PDE5A: variants seen among roughly 807,000 people sequenced by gnomAD.
PDE5A encodes cGMP-specific 3',5'-cyclic phosphodiesterase.
In PDE5A, 67 loss-of-function variants were observed where a neutral mutation model predicts 110.2. That is an observed-to-expected ratio of 0.61 (90% CI 0.50 to 0.75). The LOEUF (loss-of-function observed/expected upper bound fraction) is 0.75. Among genes scored for constraint, PDE5A ranks in the 30% least tolerant of loss-of-function variants. The pLI, the probability that PDE5A is intolerant of heterozygous loss-of-function variation, is 0.00. For missense variants in PDE5A, 862 were observed against 1,045.1 expected (o/e 0.82, Z 2.42); for synonymous variants, 328 against 351.2 (o/e 0.93, Z 0.74).
chr4:119,512,101 T>G (rs1725762674), intron 14 of PDE5A, among the ~76,000 whole-genome samples: 1 of 152,146 alleles, frequency 6.6e-6, no homozygotes, highest in Non-Finnish European at 1.5e-5. Context: ...AACGATTATT[T>G]TACTTTGCAT....
chr4:119,606,883 A>G lies in PDE5A; in HGVS notation c.567T>C (p.Leu189=). Reference sequence around the variant, plus strand: ...TGTCATTGGAGCTGTCTTCACAGACAAGGAACAGGGAATAGCGGTCAGCAG... The same window carrying G: ...TGTCATTGGAGCTGTCTTCACAGACGAGGAACAGGGAATAGCGGTCAGCAG... ...LISADRYSLF[L]VCEDSSNDKF... is the part of the protein sequence containing the mutation. The change falls in exon 2 of 21, where the codon CTT becomes CTC. Residue 189 remains leucine (L), a synonymous_variant. Coordinates refer to ENST00000354960, the MANE Select transcript of PDE5A (RefSeq NM_001083.4). 1 of 1,614,272 alleles carries G rather than the reference A, an allele frequency of 6.2e-7. No homozygotes were observed.
chr4:119,537,387 AC>A (rs1445573141), intron 11 of PDE5A, among the ~76,000 whole-genome samples: 1 of 152,048 alleles, frequency 6.6e-6, no homozygotes, highest in Non-Finnish European at 1.5e-5. Flanking sequence ...CAACGAATCC[AC>A]AGCAGCTTTT....
chr4:119,585,457 C>T (rs555887339), intron 3 of PDE5A, among the ~76,000 whole-genome samples: 142 of 152,172 alleles, frequency 9.3e-4, no homozygotes, highest in Middle Eastern at 3.4e-3. Flanking sequence ...CAGTCTATAT[C>T]GCTTCTCCTC....
intron 1 of PDE5A, among the ~76,000 whole-genome samples, chr4:119,610,492 G>A (rs139473438): frequency 2.1e-3 from 313 of 151,988 alleles, no homozygotes; most frequent in African/African-American, 7.3e-3. Flanking sequence ...TCTTCTCAAC[G>A]GGAAATGGAG....
chr4:119,532,045 T>C (rs564813417), intron 11 of PDE5A, among the ~76,000 whole-genome samples: 4 of 152,204 alleles, frequency 2.6e-5, no homozygotes, highest in Non-Finnish European at 5.9e-5. Flanking sequence ...AAATTATTTC[T>C]AGTTTCTTCA....
chr4:119,584,273 G>C (rs1248507310), intron 3 of PDE5A, among the ~76,000 whole-genome samples: 1 of 152,200 alleles, frequency 6.6e-6, no homozygotes, highest in East Asian at 1.9e-4. Flanking sequence ...CAGGGGAGAA[G>C]AGAAAGGATT....
chr4:119,628,567 G>C lies in PDE5A; in HGVS notation c.105C>G (p.Asp35Glu). 6.2e-7 allele frequency: 1 copy of C among 1,607,996 alleles called. No individual in the cohort carries two copies. Among genetic ancestry groups the C allele is most frequent in the Non-Finnish European group, 8.5e-7 (1 of 1,175,710 alleles). ...ATGAGAAGGTAAAGTCCCAGTGATCGTCCAGCCATGCTTCGACCGAGTCCT... is the reference window on the plus strand; with the variant it reads ...ATGAGAAGGTAAAGTCCCAGTGATCCTCCAGCCATGCTTCGACCGAGTCCT... Reference protein sequence around the residue: ...RDQDSVEAWLDDHWDFTFSYF... With the variant: ...RDQDSVEAWLEDHWDFTFSYF... The change falls in exon 1 of 21, where the codon GAC becomes GAG. Residue 35 changes from aspartate (D) to glutamate (E), a missense_variant. Transcript: ENST00000354960.
intron 3 of PDE5A, among the ~76,000 whole-genome samples, chr4:119,574,490 G>A (rs1411280662): frequency 1.3e-5 from 2 of 151,920 alleles, no homozygotes; most frequent in African/African-American, 4.8e-5. Flanking sequence ...CAAAATATAG[G>A]CTCTTATGGA....
chr4:119,547,999 T>C (rs1264827962), intron 9 of PDE5A, among the ~76,000 whole-genome samples: 1 of 151,918 alleles, frequency 6.6e-6, no homozygotes, highest in Non-Finnish European at 1.5e-5. Context: ...CTGACAAGTA[T>C]ATTTCAGGCC....
chr4:119,601,043 T>C (rs995326236), intron 2 of PDE5A, among the ~76,000 whole-genome samples: 1 of 152,176 alleles, frequency 6.6e-6, no homozygotes, highest in African/African-American at 2.4e-5. Flanking sequence ...TGATCTTTGT[T>C]CCCAGTTCCT....
At chr4:119,558,452 T>C (rs1285557269) in intron 7 of PDE5A, among the ~76,000 whole-genome samples, 10 of 152,304 alleles carry the variant, frequency 6.6e-5, no homozygotes, top group Non-Finnish European at 1.3e-4. Context: ...AATTGAGAGA[T>C]GGCAAAGTTT....
At chr4:119,579,907 A>T (rs1305152354) in intron 3 of PDE5A, among the ~76,000 whole-genome samples, 4 of 152,188 alleles carry the variant, frequency 2.6e-5, no homozygotes, top group Non-Finnish European at 5.9e-5. Flanking sequence ...GCAAATGAAT[A>T]TGTAATTGCT....
intron 3 of PDE5A, among the ~76,000 whole-genome samples, chr4:119,576,319 GCT>G (rs1728342383): frequency 6.6e-6 from 1 of 152,168 alleles, no homozygotes; most frequent in East Asian, 1.9e-4. Flanking sequence ...CTTGAACTCA[GCT>G]CTGCACCAGG....
At chr4:119,626,393 C>T (rs752401572) in intron 1 of PDE5A, among the ~76,000 whole-genome samples, 4 of 152,140 alleles carry the variant, frequency 2.6e-5, no homozygotes, top group Non-Finnish European at 4.4e-5. Context: ...ACAAGCCATC[C>T]CTAGTTTACA....
intron 6 of PDE5A, 129 bp from the exon 7 acceptor site, chr4:119,560,492 G>A (rs1727709801): frequency 2.1e-6 from 1 of 466,066 alleles, no homozygotes; most frequent in Non-Finnish European, 3.8e-6. Flanking sequence ...CTTATTCTTG[G>A]ACAAAATAGA....
At chr4:119,500,144 A>G (rs1341951848) in intron 20 of PDE5A, 3 of 152,176 alleles carry the variant, frequency 2.0e-5, no homozygotes, top group Non-Finnish European at 2.9e-5. Flanking sequence ...GAGATGTCCA[A>G]GTGTTTGAAA....
intron 4 of PDE5A, among the ~76,000 whole-genome samples, chr4:119,566,241 G>A (rs985539488): frequency 6.6e-6 from 1 of 152,004 alleles, no homozygotes; most frequent in Non-Finnish European, 1.5e-5. Flanking sequence ...ATTATAACAA[G>A]GGGAGCAACA....
Position 119,538,896 on chromosome 4 carries a change from T to C in PDE5A, c.1632+64A>G, listed in dbSNP as rs1169829297. 9.6e-6 allele frequency: 11 copies of C among 1,143,526 alleles called. No individual in the cohort carries two copies. The Admixed American group carries it at 1.0e-4, about 11-fold the overall frequency. 70.8% of individuals were successfully genotyped at this position (1,143,526 alleles called of 1,614,324 possible). On this transcript the variant is annotated intron_variant, in intron 11 of 20. Coordinates refer to ENST00000354960, the MANE Select transcript of PDE5A (RefSeq NM_001083.4). ...TTTTATAAGTATCCATCTAAATATT[T>C]ACCAAATTTGGTTAAATTAGGTGTC...
intron 11 of PDE5A, among the ~76,000 whole-genome samples, chr4:119,535,711 C>G (rs1196016489): frequency 6.6e-6 from 1 of 152,080 alleles, no homozygotes; most frequent in East Asian, 1.9e-4. Context: ...ATACAACACT[C>G]AAGCAACAGA....
Sources: allele counts gnomAD v4.1 joint callset (sites outside exome capture counted in the v4.1 genomes callset), GRCh38; gene constraint gnomAD v4.1.1; transcripts MANE v1.5; gene names NCBI Gene and HGNC (gene_info 2026-07-23, HGNC 2026-07-21).